FGF10: variants seen among roughly 807,000 people sequenced by gnomAD.
FGF10 encodes FGF-10.
Under a neutral mutation model 19.8 loss-of-function variants are expected in FGF10, and 2 were observed. The observed-to-expected ratio is 0.10, with a 90% CI of 0.04 to 0.32. The LOEUF (loss-of-function observed/expected upper bound fraction) is 0.32. Ranked by LOEUF, FGF10 falls within the 10% of genes least tolerant of loss-of-function variation. The pLI is 1.00. For missense variants in FGF10, 191 were observed against 246.3 expected (o/e 0.78, Z 1.50); for synonymous variants, 112 against 94.0 (o/e 1.19, Z -1.10).
intron 1 of FGF10, among the ~76,000 whole-genome samples, chr5:44,320,576 T>A (rs1224900429): frequency 1.3e-5 from 2 of 152,208 alleles, no homozygotes. Flanking sequence ...GTGATTCACA[T>A]TCATTCTGCA....
intron 1 of FGF10, among the ~76,000 whole-genome samples, chr5:44,352,311 G>T (rs1459267026): frequency 5.9e-5 from 9 of 151,746 alleles, no homozygotes; most frequent in Non-Finnish European, 1.0e-4. Context: ...CAATGCAAAA[G>T]CTGCCACAGA....
At chr5:44,352,554 C>A (rs1315143309) in intron 1 of FGF10, among the ~76,000 whole-genome samples, 1 of 151,602 alleles carries the variant, frequency 6.6e-6, no homozygotes, top group African/African-American at 2.4e-5. Context: ...ATGAAAGTAT[C>A]TTAAAACCCA....
At chr5:44,343,688 G>T (rs1399604393) in intron 1 of FGF10, among the ~76,000 whole-genome samples, 1 of 151,854 alleles carries the variant, frequency 6.6e-6, no homozygotes, top group East Asian at 1.9e-4. Context: ...GAAATCTGAG[G>T]CCTCAGACTT....
chr5:44,312,617 A>T (rs922264581), intron 1 of FGF10, among the ~76,000 whole-genome samples: 8 of 152,106 alleles, frequency 5.3e-5, no homozygotes, highest in African/African-American at 1.9e-4. Context: ...AAAATCTAAC[A>T]TACTTTATTT....
chr5:44,324,688 T>C (rs1046419074), intron 1 of FGF10, among the ~76,000 whole-genome samples: 13 of 152,132 alleles, frequency 8.5e-5, no homozygotes, highest in Admixed American at 7.9e-4. Context: ...ATGATTAAAA[T>C]GTTGGTACAT....
chr5:44,313,379 T>C (rs1286982130), intron 1 of FGF10, among the ~76,000 whole-genome samples: 1 of 152,020 alleles, frequency 6.6e-6, no homozygotes, highest in Non-Finnish European at 1.5e-5. Context: ...GCCTATCAAA[T>C]TATTTTTGGA....
rs945088292 is a variant in FGF10, at chr5:44,335,280, C to A, written c.326-24750G>T. Among the ~76,000 whole-genome samples the A allele has an allele frequency of 5.3e-5, 8 of 152,050 alleles. 1 individual carries two copies. The highest frequency in any genetic ancestry group is 5.2e-4 in the Admixed American group (8 of 15,240). ...TAATGGTGAGAAGAAATGACCTACT[C>A]TCCCTTCCCTTCCCTCAAGCATGCC... On this transcript the variant is annotated intron_variant, in intron 1 of 2. Transcript: ENST00000264664.
intron 1 of FGF10, among the ~76,000 whole-genome samples, chr5:44,328,132 A>G (rs1333748161): frequency 2.6e-5 from 4 of 152,036 alleles, no homozygotes; most frequent in African/African-American, 9.7e-5. Context: ...AAATCCTGGC[A>G]TAGATGTTGA....
intron 1 of FGF10, among the ~76,000 whole-genome samples, chr5:44,314,372 T>C (rs1740285819): frequency 6.6e-6 from 1 of 152,132 alleles, no homozygotes; most frequent in Admixed American, 6.6e-5. Context: ...AATAAAGTAA[T>C]ATTTAGCAAA....
intron 1 of FGF10, among the ~76,000 whole-genome samples, chr5:44,376,501 A>AAAAAC (rs1741862023): frequency 1.8e-5 from 2 of 112,462 alleles, no homozygotes; most frequent in Non-Finnish European, 3.9e-5. Flanking sequence ...AAAAAAAAAA[A>AAAAAC]AAAAAAAAAA....
chr5:44,372,153 G>C (rs1490310647), intron 1 of FGF10, among the ~76,000 whole-genome samples: 1 of 152,078 alleles, frequency 6.6e-6, no homozygotes, highest in African/African-American at 2.4e-5. Flanking sequence ...GTGTTGGCAG[G>C]GCTGTATTCC....
chr5:44,332,996 G>T (rs1740771905), intron 1 of FGF10, among the ~76,000 whole-genome samples: 1 of 151,946 alleles, frequency 6.6e-6, no homozygotes, highest in African/African-American at 2.4e-5. Context: ...TCTCTAGAAA[G>T]TTTCTATATC....
chr5:44,327,067 C>T (rs890407949), intron 1 of FGF10, among the ~76,000 whole-genome samples: 1 of 152,132 alleles, frequency 6.6e-6, no homozygotes, highest in African/African-American at 2.4e-5. Context: ...GAGCAGCACT[C>T]CCCACCCACT....
In FGF10 at chr5:44,355,918, A is replaced by T. The variant is rs193156541; in HGVS notation, c.325+32440T>A. ...AAAGACTTGATCCACTAATACTTTAACAAGAGAGTGTTGGTCATACAATTC... is the reference window on the plus strand; with the variant it reads ...AAAGACTTGATCCACTAATACTTTATCAAGAGAGTGTTGGTCATACAATTC... On this transcript the variant is annotated intron_variant, in intron 1 of 2. Coordinates refer to ENST00000264664, the MANE Select transcript of FGF10 (RefSeq NM_004465.2). Among the ~76,000 whole-genome samples the T allele has an allele frequency of 3.4e-3, 516 of 151,588 alleles. 1 individual carries two copies. Among genetic ancestry groups the T allele is most frequent in the Non-Finnish European group, 4.8e-3 (325 of 67,614 alleles).
rs17228102 is a variant in FGF10 at position 44,311,385 on chromosome 5, A to G, written c.326-855T>C. ...TAAGAAGACCTAGGGAACTAAAACT[A>G]CTTATTTCATAACTCTCAGCAGTTT... is the stretch of plus-strand genomic sequence containing the variant. On this transcript the variant is annotated intron_variant, in intron 1 of 2. Coordinates refer to ENST00000264664, the MANE Select transcript of FGF10 (RefSeq NM_004465.2). 4.8e-4 allele frequency among the ~76,000 whole-genome samples: 73 copies of G among 152,246 alleles called. 1 individual carries two copies. The highest frequency in any genetic ancestry group is 4.7e-3 in the Admixed American group (72 of 15,266).
chr5:44,361,379 C>A (rs769495371), intron 1 of FGF10, among the ~76,000 whole-genome samples: 59 of 151,608 alleles, frequency 3.9e-4, no homozygotes, highest in Non-Finnish European at 6.5e-4. Context: ...CTCAAGGGGT[C>A]CACCCATCCT....
At chr5:44,331,395 G>A (rs955672009) in intron 1 of FGF10, among the ~76,000 whole-genome samples, 3 of 152,026 alleles carry the variant, frequency 2.0e-5, no homozygotes, top group Non-Finnish European at 2.9e-5. Context: ...GTGATTTTAG[G>A]CTTTATTAAA....
chr5:44,372,379 C>T (rs1216439825), intron 1 of FGF10, among the ~76,000 whole-genome samples: 1 of 152,118 alleles, frequency 6.6e-6, no homozygotes, highest in East Asian at 1.9e-4. Context: ...GGACATTTGT[C>T]ATGGTATATG....
intron 1 of FGF10, among the ~76,000 whole-genome samples, chr5:44,352,202 C>T (rs1741249596): frequency 6.6e-6 from 1 of 151,564 alleles, no homozygotes; most frequent in Non-Finnish European, 1.5e-5. Flanking sequence ...ACACCGTTAG[C>T]AGGGTGAGGA....
Sources: gnomAD v4.1 joint callset for allele counts (sites outside exome capture counted in the v4.1 genomes callset) on GRCh38, gnomAD v4.1.1 for gene constraint, MANE v1.5 for transcripts, NCBI Gene and HGNC (gene_info 2026-07-23, HGNC 2026-07-21) for gene names.